Variants in PDE1C observed in about 807,000 individuals in gnomAD.
PDE1C encodes the protein phosphodiesterase 1C, also known as dual specificity calcium/calmodulin-dependent 3',5'-cyclic nucleotide phosphodiesterase 1C.
Under a neutral mutation model 93.1 loss-of-function variants are expected in PDE1C, and 62 were observed. That is an observed-to-expected ratio of 0.67 (90% CI 0.54 to 0.82). PDE1C has a LOEUF of 0.82. PDE1C is among the 40% of genes least tolerant of loss of function. PDE1C has a pLI of 0.00. For synonymous variants in PDE1C, 325 were observed against 310.1 expected (o/e 1.05, Z -0.50); for missense variants, 742 against 884.6 (o/e 0.84, Z 2.04).
chr7:31,758,283 C>A (rs1562747046), intron 17 of PDE1C, among the ~76,000 whole-genome samples: 1 of 149,206 alleles, frequency 6.7e-6, no homozygotes, highest in East Asian at 2.0e-4. Context: ...TACCCTAGAA[C>A]TTAAAGTATA....
chr7:32,203,399 T>C (rs1417856836), intron 2 of PDE1C, among the ~76,000 whole-genome samples: 1 of 152,054 alleles, frequency 6.6e-6, no homozygotes, highest in African/African-American at 2.4e-5. Context: ...ATGTCATAGG[T>C]GCTGCCTCCC....
intron 16 of PDE1C, among the ~76,000 whole-genome samples, chr7:31,776,963 T>C (rs1783025077): frequency 8.2e-6 from 1 of 121,928 alleles, no homozygotes; most frequent in African/African-American, 3.3e-5. Context: ...ATATAGTCAC[T>C]GATAAAGATA....
chr7:31,888,269 A>AC (rs1337029557), intron 2 of PDE1C, among the ~76,000 whole-genome samples: 2 of 149,966 alleles, frequency 1.3e-5, no homozygotes, highest in African/African-American at 4.9e-5. Context: ...AAAAAAAAAA[A>AC]AAAAGAAAAG....
Position 31,780,302 on chromosome 7 carries a change from T to A in PDE1C, c.1892-4570A>T, listed in dbSNP as rs532623257. 1.6e-3 allele frequency among the ~76,000 whole-genome samples: 239 copies of A among 152,316 alleles called. 5 individuals are homozygous for A. Among genetic ancestry groups the A allele is most frequent in the Middle Eastern group, 6.8e-3 (2 of 294 alleles). On this transcript the variant is annotated intron_variant, in intron 16 of 17. Coordinates refer to ENST00000396191, the MANE Select transcript of PDE1C (RefSeq NM_001191057.4). ...TCTTCTGAAACAACTGGTGTGCTCA[T>A]CCTCACGGATGTGAATCTTGTAAAT...
At chr7:31,932,469 C>A (rs891261595) in intron 2 of PDE1C, among the ~76,000 whole-genome samples, 2 of 152,168 alleles carry the variant, frequency 1.3e-5, no homozygotes, top group Non-Finnish European at 2.9e-5. Context: ...GAAAAAAGCT[C>A]ACCATCAGTG....
At chr7:32,166,899 C>G (rs868063926) in intron 3 of PDE1C, among the ~76,000 whole-genome samples, 7 of 152,132 alleles carry the variant, frequency 4.6e-5, no homozygotes, top group Admixed American at 2.6e-4. Context: ...TTAAAGTCTG[C>G]CCAAGCTACT....
chr7:32,067,070 G>C (rs1368025291), intron 1 of PDE1C, among the ~76,000 whole-genome samples: 2 of 152,202 alleles, frequency 1.3e-5, no homozygotes, highest in South Asian at 2.1e-4. Flanking sequence ...CGCTCAAGGG[G>C]CATGGGCGCC....
At chr7:31,991,144 T>C (rs988761582) in intron 2 of PDE1C, among the ~76,000 whole-genome samples, 1 of 152,244 alleles carries the variant, frequency 6.6e-6, no homozygotes, top group Non-Finnish European at 1.5e-5. Context: ...ATGTGTTACA[T>C]ACTCAATTTG....
the PDE1C span, among the ~76,000 whole-genome samples, chr7:31,672,010 GA>G: frequency 6.6e-6 from 1 of 152,262 alleles, no homozygotes; most frequent in African/African-American, 2.4e-5. Context: ...CCTGATTTGT[GA>G]AAACCCCATT....
In PDE1C at chr7:32,158,871, A is replaced by G. The variant is rs1801740672; in HGVS notation, c.308+10914T>C. ...TGGCAAACAAGGCCCTACATTACAT[A>G]GTCCCAGGCTTACCTTTGCTTTACC... On this transcript the variant is annotated intron_variant, in intron 3 of 18. Coordinates refer to the PDE1C transcript ENST00000396193. Among the ~76,000 whole-genome samples the G allele has an allele frequency of 2.6e-5, 4 of 152,260 alleles. No individual in the cohort carries two copies. In the South Asian group the frequency reaches 8.3e-4, roughly 31 times the overall value.
At chr7:32,262,229 C>T (rs1448701071) in intron 1 of PDE1C, among the ~76,000 whole-genome samples, 2 of 152,010 alleles carry the variant, frequency 1.3e-5, no homozygotes, top group Non-Finnish European at 2.9e-5. Flanking sequence ...CTGTGATTCC[C>T]ACCTCCACTT....
chr7:32,207,837 C>T (rs541920365), intron 2 of PDE1C, among the ~76,000 whole-genome samples: 53 of 152,092 alleles, frequency 3.5e-4, no homozygotes, highest in Non-Finnish European at 6.5e-4. Context: ...ATGCAAGGAC[C>T]GCCCTCCCCC....
chr7:32,211,077 T>C (rs1490635543), intron 1 of PDE1C, among the ~76,000 whole-genome samples: 1 of 151,856 alleles, frequency 6.6e-6, no homozygotes, highest in Non-Finnish European at 1.5e-5. Flanking sequence ...GGCGTGGTGG[T>C]GGGCGCCTGT....
intron 15 of PDE1C, among the ~76,000 whole-genome samples, chr7:31,815,298 G>T (rs1788091605): frequency 6.6e-6 from 1 of 152,072 alleles, no homozygotes; most frequent in Non-Finnish European, 1.5e-5. Flanking sequence ...AATCCCTAGT[G>T]CTAAGCATGG....
At chr7:32,027,607 TAAAAAAAAAAAAAAA>T (rs551660766) in intron 2 of PDE1C, among the ~76,000 whole-genome samples, 34 of 78,504 alleles carry the variant, frequency 4.3e-4, no homozygotes, top group African/African-American at 1.5e-3. Flanking sequence ...TCAAAAATGG[TAAAAAAAAAAAAAAA>T]AAAAAAAAAA....
At chr7:32,029,915 T>C (rs1198940941) in intron 2 of PDE1C, among the ~76,000 whole-genome samples, 1 of 152,014 alleles carries the variant, frequency 6.6e-6, no homozygotes, top group East Asian at 1.9e-4. Flanking sequence ...AGTAAAGAAC[T>C]CGAAACAACT....
chr7:31,681,371 G>A, the PDE1C span, among the ~76,000 whole-genome samples: 1 of 1,818 alleles, frequency 5.5e-4, no homozygotes. Flanking sequence ...ATGGATGGAC[G>A]GATGGATGGA....
At chr7:32,256,138 T>A (rs1308494667) in intron 1 of PDE1C, among the ~76,000 whole-genome samples, 1 of 152,184 alleles carries the variant, frequency 6.6e-6, no homozygotes, top group African/African-American at 2.4e-5. Flanking sequence ...AGTTCCAGTG[T>A]GTTTTGCCAC....
chr7:31,762,567 T>A (rs1794902776), intron 17 of PDE1C, among the ~76,000 whole-genome samples: 1 of 152,152 alleles, frequency 6.6e-6, no homozygotes, highest in African/African-American at 2.4e-5. Context: ...CTCGAACTCC[T>A]GACCTCAAGT....
Sources: gnomAD v4.1 joint callset for allele counts (sites outside exome capture counted in the v4.1 genomes callset) on GRCh38, gnomAD v4.1.1 for gene constraint, MANE v1.5 for transcripts, NCBI Gene and HGNC (gene_info 2026-07-23, HGNC 2026-07-21) for gene names.